The following BICRA variants were observed in gnomAD, a reference collection of about 807,000 sequenced individuals.
BICRA encodes the protein BRD4 interacting chromatin remodeling complex associated protein.
A neutral mutation model predicts 96.9 loss-of-function variants in BICRA; 31 were observed. The ratio of observed to expected loss-of-function variants is 0.32; its 90% CI spans 0.24 to 0.43. The LOEUF is 0.43. BICRA is among the 20% of genes least tolerant of loss of function. The pLI is 1.00. For missense variants in BICRA, 2,283 were observed against 2,190.3 expected, an observed-to-expected ratio of 1.04 and a Z score of -0.84; for synonymous variants, 1,350 against 1,071.8, an observed-to-expected ratio of 1.26 and a Z score of -5.07.
At chr19:47,625,149 G>T (rs1470178932) in intron 1 of BICRA, among the ~76,000 whole-genome samples, 1 of 151,726 alleles carries the variant, frequency 6.6e-6, no homozygotes, top group Non-Finnish European at 1.5e-5. Context: ...ACAGGCGTGA[G>T]CCACCACGCC....
rs147902703 is a variant in BICRA, at chr19:47,682,797, G to A, written c.2283+645G>A. ...AGTGATTCTCCTGCCTCCACCTCCCGCGTAGCTGGAGTTACAGGTGCCCGC... is the reference window on the plus strand; with the variant it reads ...AGTGATTCTCCTGCCTCCACCTCCCACGTAGCTGGAGTTACAGGTGCCCGC... On this transcript the variant is annotated intron_variant, in intron 7 of 14. Coordinates refer to ENST00000594866, the MANE Select transcript of BICRA (RefSeq NM_001394372.1). Among the ~76,000 whole-genome samples the A allele has an allele frequency of 4.3e-3, 652 of 151,670 alleles. 9 individuals are homozygous for A. Among genetic ancestry groups the A allele is most frequent in the African/African-American group, 0.015 (609 of 41,344 alleles).
chr19:47,689,412 T>A (rs1973207119), intron 7 of BICRA, among the ~76,000 whole-genome samples: 1 of 151,042 alleles, frequency 6.6e-6, no homozygotes, highest in South Asian at 2.1e-4. Context: ...CCTAATTTAT[T>A]TTTATTTATT....
intron 7 of BICRA, among the ~76,000 whole-genome samples, chr19:47,686,992 T>C (rs1973168767): frequency 6.6e-6 from 1 of 152,214 alleles, no homozygotes; most frequent in South Asian, 2.1e-4. Flanking sequence ...AATTAATAGA[T>C]GTATATTAAC....
At chr19:47,690,501 C>G (rs551789157) in intron 7 of BICRA, among the ~76,000 whole-genome samples, 65 of 152,228 alleles carry the variant, frequency 4.3e-4, no homozygotes, top group African/African-American at 1.2e-3. Context: ...AGGCTTTATT[C>G]CTAATGCGAC....
rs1193848150 is a variant in BICRA at position 47,680,629 on chromosome 19, T to C, written c.1459T>C (p.Ser487Pro). The C allele has an allele frequency of 6.2e-6, 10 of 1,609,982 alleles. No individual in the cohort carries two copies. The highest frequency in any genetic ancestry group is 8.5e-6 in the Non-Finnish European group (10 of 1,178,550). Residue 487 changes from serine (S) to proline (P), a missense_variant, in exon 6 of 15, where the codon TCA becomes CCA. Ser to Pro is a moderately conservative substitution (Grantham distance 74). Transcript: ENST00000594866. ...APAVQLPQQLSALPANVGGQI... is the reference protein window; with the variant it reads ...APAVQLPQQLPALPANVGGQI... The stretch of plus-strand genomic sequence containing the variant: ...GGCGGTCCAGCTCCCGCAGCAGCTC[T>C]CAGCCCTGCCGGCCAACGTGGGCGG...
intron 1 of BICRA, among the ~76,000 whole-genome samples, chr19:47,651,500 C>G (rs570226115): frequency 1.3e-5 from 2 of 152,250 alleles, no homozygotes; most frequent in Non-Finnish European, 2.9e-5. Flanking sequence ...TCATCTTCTC[C>G]TCGGGACGCT....
intron 7 of BICRA, among the ~76,000 whole-genome samples, chr19:47,690,508 C>T (rs979657691): frequency 2.6e-5 from 4 of 152,110 alleles, no homozygotes; most frequent in Non-Finnish European, 4.4e-5. Flanking sequence ...ATTCCTAATG[C>T]GACGGGTGGT....
At chr19:47,656,217 C>A (rs1568559722) in intron 1 of BICRA, among the ~76,000 whole-genome samples, 4 of 151,874 alleles carry the variant, frequency 2.6e-5, no homozygotes, top group Non-Finnish European at 5.9e-5. Context: ...TCTTTTCACA[C>A]CACTGCACCC....
chr19:47,630,309 C>A (rs138048434), intron 1 of BICRA, among the ~76,000 whole-genome samples: 1 of 151,972 alleles, frequency 6.6e-6, no homozygotes, highest in Non-Finnish European at 1.5e-5. Context: ...TATAGGCGTC[C>A]GCCACCACGC....
intron 7 of BICRA, among the ~76,000 whole-genome samples, chr19:47,690,822 T>G (rs1973231084): frequency 6.6e-6 from 1 of 151,914 alleles, no homozygotes; most frequent in African/African-American, 2.4e-5. Context: ...GTGCGCACTT[T>G]TGATGAGAAT....
At chr19:47,695,832 T>G (rs1287671270) in intron 10 of BICRA, among the ~76,000 whole-genome samples, 1 of 151,040 alleles carries the variant, frequency 6.6e-6, no homozygotes, top group Admixed American at 6.6e-5. Context: ...CGGGTTTAGA[T>G]GAGACAGACC....
chr19:47,673,489 C>T, intron 2 of BICRA, 81 bp from the exon 3 acceptor site: 6 of 1,109,614 alleles, frequency 5.4e-6, no homozygotes, highest in Non-Finnish European at 6.9e-6. Flanking sequence ...CCAGGGGGCT[C>T]CCCTGAAGGG....
intron 1 of BICRA, among the ~76,000 whole-genome samples, chr19:47,617,701 C>T (rs186798074): frequency 1.1e-4 from 16 of 151,852 alleles, no homozygotes; most frequent in African/African-American, 2.7e-4. Context: ...AAGCACTCAC[C>T]GAGAGTTGAG....
chr19:47,646,261 C>T (rs1313861423), intron 1 of BICRA, among the ~76,000 whole-genome samples: 2 of 152,184 alleles, frequency 1.3e-5, no homozygotes, highest in African/African-American at 2.4e-5. Flanking sequence ...GGATTTCTGC[C>T]TCACAGTGTG....
chr19:47,616,921 C>T (rs1001037379), intron 1 of BICRA, among the ~76,000 whole-genome samples: 2 of 150,184 alleles, frequency 1.3e-5, no homozygotes, highest in Non-Finnish European at 3.0e-5. Context: ...CTCCGCCTCC[C>T]AGGTTCAAGT....
rs1973296325 is a variant in BICRA at position 47,694,450 on chromosome 19, G to A, written c.2619G>A (p.Leu873=). ...RPQSQPPEGP[L]PPAPHLPPSS... is the part of the protein sequence containing the mutation. ...AGTCCCAGCCGCCTGAGGGACCGCT[G>A]CCCCCAGCCCCCCACCTCCCTCCAT... The change falls in exon 8 of 15, where the codon CTG becomes CTA. Residue 873 remains leucine, a synonymous_variant. Coordinates refer to ENST00000594866, the MANE Select transcript of BICRA (RefSeq NM_001394372.1). 2.0e-6 allele frequency: 2 copies of A among 1,006,272 alleles called. No homozygotes were observed. Among genetic ancestry groups the A allele is most frequent in the African/African-American group, 1.9e-5 (1 of 53,340 alleles). The allele number at this position is 1,006,272 out of a possible 1,614,324, so 62.3% of individuals were successfully genotyped here. A position where few individuals can be genotyped will look rare whatever the true frequency, so the allele number is the denominator to read the frequency against.
intron 1 of BICRA, among the ~76,000 whole-genome samples, chr19:47,644,200 T>C (rs1334747953): frequency 6.6e-6 from 1 of 151,526 alleles, no homozygotes; most frequent in Non-Finnish European, 1.5e-5. Flanking sequence ...TCTTCTTCTT[T>C]TTTTTTTTGC....
At chr19:47,638,081 C>T (rs1001903286) in intron 1 of BICRA, among the ~76,000 whole-genome samples, 1 of 152,158 alleles carries the variant, frequency 6.6e-6, no homozygotes, top group Non-Finnish European at 1.5e-5. Context: ...ACCCACGGGT[C>T]TCTGCCTCCC....
intron 7 of BICRA, among the ~76,000 whole-genome samples, chr19:47,689,386 G>A (rs1298014270): frequency 6.6e-6 from 1 of 151,098 alleles, no homozygotes; most frequent in East Asian, 2.0e-4. Context: ...TTACAGGCAT[G>A]AGCCACTGAG....
Sources: allele counts gnomAD v4.1 joint callset (sites outside exome capture counted in the v4.1 genomes callset), GRCh38; gene constraint gnomAD v4.1.1; transcripts MANE v1.5; gene names NCBI Gene and HGNC (gene_info 2026-07-23, HGNC 2026-07-21).